Variants in DNAAF9 observed in about 807,000 individuals in gnomAD.
DNAAF9 encodes the protein dynein axonemal assembly factor 9.
In DNAAF9, 90 loss-of-function variants were observed where a neutral mutation model predicts 167.0. That is an observed-to-expected ratio of 0.54 (90% CI 0.45 to 0.64). The LOEUF (loss-of-function observed/expected upper bound fraction) is 0.64. DNAAF9 is among the 30% of genes least tolerant of loss of function. The pLI, the probability that DNAAF9 is intolerant of heterozygous loss-of-function variation, is 0.00. For synonymous variants in DNAAF9, 491 were observed against 508.8 expected, an observed-to-expected ratio of 0.96 and a Z score of 0.47; for missense variants, 1,315 against 1,442.2, an observed-to-expected ratio of 0.91 and a Z score of 1.43.
intron 20 of DNAAF9, among the ~76,000 whole-genome samples, chr20:3,305,793 G>A (rs1353380059): frequency 3.9e-5 from 6 of 152,172 alleles, no homozygotes; most frequent in Non-Finnish European, 8.8e-5. Context: ...CAGATGCCCC[G>A]TCAGAGGGAC....
chr20:3,272,353 T>C (rs1224056751), intron 29 of DNAAF9, among the ~76,000 whole-genome samples: 1 of 152,026 alleles, frequency 6.6e-6, no homozygotes, highest in Non-Finnish European at 1.5e-5. Flanking sequence ...GCCTCCTGTG[T>C]AGCTGGGACC....
chr20:3,353,690 T>C (rs888891998), intron 7 of DNAAF9, among the ~76,000 whole-genome samples: 1 of 137,978 alleles, frequency 7.2e-6, no homozygotes, highest in Non-Finnish European at 1.5e-5. Context: ...TGTGTTTCAA[T>C]TCTATTAGAA....
rs1307255177 is a variant in DNAAF9, at chr20:3,376,252, C to T, written c.334G>A (p.Val112Ile). 4 of 1,613,056 alleles carry T rather than the reference C, an allele frequency of 2.5e-6. No individual in the cohort carries two copies. Among genetic ancestry groups the T allele is most frequent in the African/African-American group, 1.3e-5 (1 of 74,870 alleles). ...TAAGGTAAGAGATAGCGAAAGTTTA[C>T]AGGATTACAGTACAGATGGACGCTA... is the stretch of plus-strand genomic sequence containing the variant. ...SDSVHLYCNP[V>I]NFRYLLPYVA... The change falls in exon 4 of 37, where the codon GTA becomes ATA. Residue 112 changes from valine to isoleucine, a missense_variant. Val to Ile is a conservative substitution (Grantham distance 29). This residue lies in a region of DNAAF9 where 981 missense variants were observed against 1,012.5 expected (regional missense o/e 0.97). Coordinates refer to ENST00000252032, the MANE Select transcript of DNAAF9 (RefSeq NM_001009984.3).
chr20:3,393,128 C>T (rs1054620034), intron 1 of DNAAF9, among the ~76,000 whole-genome samples: 2 of 152,054 alleles, frequency 1.3e-5, no homozygotes, highest in Non-Finnish European at 1.5e-5. Flanking sequence ...TGGTCAGGTG[C>T]AGTGGCTCAT....
chr20:3,318,183 T>C (rs954683611), intron 17 of DNAAF9, 106 bp downstream of exon 17: 8 of 599,806 alleles, frequency 1.3e-5, no homozygotes, highest in African/African-American at 1.3e-4. Flanking sequence ...AGTTCTAATA[T>C]TTTTACCAGT....
chr20:3,322,433 G>C (rs1487079022), intron 15 of DNAAF9, among the ~76,000 whole-genome samples, 171 bp from the exon 16 acceptor site: 1 of 152,162 alleles, frequency 6.6e-6, no homozygotes, highest in Non-Finnish European at 1.5e-5. Context: ...GGGCCACTAA[G>C]GTGAGTATGT....
chr20:3,322,548 C>G, intron 15 of DNAAF9, 104 bp downstream of exon 15: 1 of 915,268 alleles, frequency 1.1e-6, no homozygotes, highest in Non-Finnish European at 1.8e-6. Context: ...GATGTCACTG[C>G]TAGGTGTGGA....
intron 7 of DNAAF9, 145 bp from the exon 8 acceptor site, chr20:3,348,768 A>G (rs2070249715): frequency 2.0e-6 from 1 of 497,540 alleles, no homozygotes; most frequent in African/African-American, 1.9e-5. Flanking sequence ...CTACTAGTAC[A>G]TGCTACTCCT....
At position 3,256,142 on chromosome 20, in the gene DNAAF9, T is replaced by C; in HGVS notation, c.3125A>G (p.Glu1042Gly). ...GGAGTCTGGTGGTGGTGTGGGTCCTTCCAAAACTGGCATGATGCTCAAGGA... is the reference window on the plus strand; with the variant it reads ...GGAGTCTGGTGGTGGTGTGGGTCCTCCCAAAACTGGCATGATGCTCAAGGA... Reference protein sequence around the residue: ...ANSLSIMPVLEGPTPPPDSKS... With the variant: ...ANSLSIMPVLGGPTPPPDSKS... Residue 1042 changes from glutamate (E) to glycine (G), a missense_variant, in exon 34 of 37, where the codon GAA (glutamate) becomes GGA (glycine). Around this residue, in one of 2 missense-constraint regions of DNAAF9, gnomAD observed 334 missense variants for 429.7 expected, o/e 0.78. Coordinates refer to ENST00000252032, the MANE Select transcript of DNAAF9 (RefSeq NM_001009984.3). 2 of 1,614,164 alleles carry C rather than the reference T, an allele frequency of 1.2e-6. No homozygotes were observed. The highest frequency in any genetic ancestry group is 1.7e-6 in the Non-Finnish European group (2 of 1,180,026).
At position 3,313,337 on chromosome 20, in the gene DNAAF9, G is replaced by C. The variant is rs528869540; in HGVS notation, c.1678+1696C>G. On this transcript the variant is annotated intron_variant, in intron 20 of 36. Transcript: ENST00000252032. ...TTACCACTCCAGCAGTATGTGGATA[G>C]AAAACCAGAACTCCTTGTGCTTTGT... Among the ~76,000 whole-genome samples, 8 of 152,372 alleles carry C rather than the reference G, an allele frequency of 5.3e-5. No homozygotes were observed. In the East Asian group the frequency reaches 1.2e-3, roughly 22 times the overall value.
Position 3,359,596 on chromosome 20 carries a change from G to A in DNAAF9, c.613-3C>T, listed in dbSNP as rs768011365. ...AGATTCAAACTCACATCCTGCAACT[G>A]CAACAGAGGGCAAAAACATTGAAAT... On this transcript the variant is annotated splice_region_variant and splice_polypyrimidine_tract_variant and intron_variant, in intron 6 of 36. Coordinates refer to ENST00000252032, the MANE Select transcript of DNAAF9 (RefSeq NM_001009984.3). 5.6e-6 allele frequency: 9 copies of A among 1,593,472 alleles called. No individual in the cohort carries two copies. Among genetic ancestry groups the A allele is most frequent in the Non-Finnish European group, 7.7e-6 (9 of 1,164,798 alleles).
chr20:3,316,742 G>T lies in DNAAF9; in HGVS notation c.1520C>A (p.Pro507His). 1 of 1,613,554 alleles carries T rather than the reference G, an allele frequency of 6.2e-7. No homozygotes were observed. The highest frequency in any genetic ancestry group is 1.7e-5 in the Admixed American group (1 of 59,998). Residue 507 changes from proline to histidine, a missense_variant, in exon 18 of 37, where the codon CCC (proline) becomes CAC (histidine). By Grantham distance (77) the Pro-to-His change is moderately conservative (BLOSUM62 -2). Coordinates refer to ENST00000252032, the MANE Select transcript of DNAAF9 (RefSeq NM_001009984.3). ...ACTAACCAGCCAGGAGCAGAATCTG[G>T]GTACAGCAGCAGTCAGGACTACGGA... Reference protein sequence around the residue: ...TSSVVLTAAVPRFCSWLVEDN... With the variant: ...TSSVVLTAAVHRFCSWLVEDN...
chr20:3,259,988 T>C lies in DNAAF9; in HGVS notation c.2914A>G (p.Met972Val), dbSNP rs1398102038. Reference sequence around the variant, plus strand: ...CCAAACCATACGCAGATCTGAACCATTAGGGGATAGACTGATCCAGCATTC... The same window carrying C: ...CCAAACCATACGCAGATCTGAACCACTAGGGGATAGACTGATCCAGCATTC... ...KLNAGSVYPLMVQICVWFGRP... is the reference protein window; with the variant it reads ...KLNAGSVYPLVVQICVWFGRP... The change falls in exon 32 of 37, where the codon ATG (methionine) becomes GTG (valine). Residue 972 changes from methionine to valine, a missense_variant. Met to Val is a conservative substitution (Grantham distance 21). Around this residue, in one of 2 missense-constraint regions of DNAAF9, gnomAD observed 334 missense variants for 429.7 expected, o/e 0.78. Coordinates refer to ENST00000252032, the MANE Select transcript of DNAAF9 (RefSeq NM_001009984.3). 2 of 1,612,294 alleles carry C rather than the reference T, an allele frequency of 1.2e-6. No homozygotes were observed. The highest frequency in any genetic ancestry group is 1.7e-6 in the Non-Finnish European group (2 of 1,178,330).
chr20:3,307,524 T>C (rs185878040), intron 20 of DNAAF9, among the ~76,000 whole-genome samples: 38 of 152,176 alleles, frequency 2.5e-4, no homozygotes, highest in African/African-American at 9.1e-4. Context: ...GCCATACCTT[T>C]GCAGGGGTTC....
intron 22 of DNAAF9, among the ~76,000 whole-genome samples, chr20:3,297,585 C>T (rs1222989875): frequency 6.6e-6 from 1 of 152,100 alleles, no homozygotes; most frequent in Non-Finnish European, 1.5e-5. Flanking sequence ...GTTTCATTCT[C>T]GTAAACTCCC....
In DNAAF9 at chr20:3,356,461, TC is replaced by T. The variant is rs1357878163; in HGVS notation, c.690+3054del. 1.9e-4 allele frequency among the ~76,000 whole-genome samples: 29 copies of T among 152,352 alleles called. No individual in the cohort carries two copies. In the South Asian group the frequency reaches 3.7e-3, roughly 20 times the overall value. ...TCAATTGGTTATTTTAGATTTTCTA[TC>T]TATCCTGGGGCCTATTTTAATTAAC... is the stretch of plus-strand genomic sequence containing the variant. On this transcript the variant is annotated intron_variant, in intron 7 of 36. Coordinates refer to ENST00000252032, the MANE Select transcript of DNAAF9 (RefSeq NM_001009984.3).
chr20:3,252,405 C>T lies in DNAAF9; in HGVS notation c.*167G>A, dbSNP rs1403643494. 2.1e-5 allele frequency: 12 copies of T among 574,720 alleles called. No individual in the cohort carries two copies. Among genetic ancestry groups the T allele is most frequent in the Non-Finnish European group, 3.1e-5 (10 of 318,442 alleles). The allele number at this position is 574,720 out of a possible 1,614,324, so 35.6% of individuals were successfully genotyped here. A position where few individuals can be genotyped will look rare whatever the true frequency, so the allele number is the denominator to read the frequency against. On this transcript the variant is annotated 3_prime_UTR_variant, in exon 37 of 37. Transcript: ENST00000252032. ...CAATGGTGCAGGTGATGCTCTTCAG[C>T]GCTATACAGGGAATAAAGACAACAT...
intron 29 of DNAAF9, among the ~76,000 whole-genome samples, chr20:3,273,551 A>C (rs1219365581): frequency 6.6e-6 from 1 of 151,740 alleles, no homozygotes; most frequent in East Asian, 1.9e-4. Flanking sequence ...AGGAGCAAGA[A>C]GGGGCGGGGG....
At chr20:3,303,565 T>C (rs1430746023) in intron 21 of DNAAF9, among the ~76,000 whole-genome samples, 1 of 152,228 alleles carries the variant, frequency 6.6e-6, no homozygotes, top group Non-Finnish European at 1.5e-5. Flanking sequence ...AATAGGGCCA[T>C]CCAATGTGTC....
Sources: allele counts gnomAD v4.1 joint callset (sites outside exome capture counted in the v4.1 genomes callset), GRCh38; gene constraint gnomAD v4.1.1; regional missense constraint gnomAD v4.1.1; transcripts MANE v1.5; gene names NCBI Gene and HGNC (gene_info 2026-07-23, HGNC 2026-07-21).